Variants in SLC39A11 observed in about 807,000 individuals in gnomAD.
SLC39A11 encodes the protein solute carrier family 39 member 11.
Under a neutral mutation model 36.1 loss-of-function variants are expected in SLC39A11, and 33 were observed. That is an observed-to-expected ratio of 0.91 (90% CI 0.69 to 1.22). The LOEUF (loss-of-function observed/expected upper bound fraction) is 1.22, where lower values mean the gene tolerates loss of function less well. Ranked by LOEUF, SLC39A11 falls within the 50% of genes most tolerant of loss-of-function variation. The probability of loss-of-function intolerance (pLI) is 0.00; values close to 1 mark genes in which losing one functional copy is unlikely to be tolerated. For synonymous variants in SLC39A11, 166 were observed against 170.3 expected (o/e 0.97, Z 0.20); for missense variants, 432 against 430.3 (o/e 1.00, Z -0.03).
At chr17:72,853,606 C>T (rs1206783236) in intron 5 of SLC39A11, among the ~76,000 whole-genome samples, 3 of 152,154 alleles carry the variant, frequency 2.0e-5, no homozygotes, top group Non-Finnish European at 4.4e-5. Context: ...GCACGCCTGG[C>T]CCCAGGCTTC....
At chr17:72,812,854 T>A (rs564130630) in intron 6 of SLC39A11, among the ~76,000 whole-genome samples, 1 of 152,316 alleles carries the variant, frequency 6.6e-6, no homozygotes, top group Non-Finnish European at 1.5e-5. Flanking sequence ...AAGCTCAGCA[T>A]CCTTACTGCT....
chr17:72,704,255 C>T (rs2072785788), intron 7 of SLC39A11, among the ~76,000 whole-genome samples: 1 of 152,150 alleles, frequency 6.6e-6, no homozygotes, highest in African/African-American at 2.4e-5. Flanking sequence ...TATTATCATC[C>T]CTCACTGACA....
At chr17:72,939,145 G>A (rs543072591) in intron 5 of SLC39A11, among the ~76,000 whole-genome samples, 1 of 152,294 alleles carries the variant, frequency 6.6e-6, no homozygotes, top group Admixed American at 6.5e-5. Context: ...CAAAATTCAT[G>A]TCTAGCCAGA....
In SLC39A11 at chr17:72,673,630, T is replaced by C. The variant is rs2144202384; in HGVS notation, c.672-24362A>G. 1.3e-5 allele frequency among the ~76,000 whole-genome samples: 2 copies of C among 152,356 alleles called. 1 individual carries two copies. The highest frequency in any genetic ancestry group is 4.1e-4 in the South Asian group (2 of 4,828). On this transcript the variant is annotated intron_variant, in intron 7 of 9. Coordinates refer to ENST00000255559, the MANE Select transcript of SLC39A11 (RefSeq NM_139177.4). ...TGTTTTCCAAAGAGATTGGTGTGGT[T>C]ATGTAATTCATTTGTAATACAACTT...
chr17:72,985,111 G>A (rs2088617767), intron 4 of SLC39A11, among the ~76,000 whole-genome samples: 1 of 152,196 alleles, frequency 6.6e-6, no homozygotes, highest in African/African-American at 2.4e-5. Context: ...CCCTAGGAAT[G>A]TGCACACTCC....
chr17:72,681,945 G>A (rs1294802339), intron 7 of SLC39A11, among the ~76,000 whole-genome samples: 1 of 152,190 alleles, frequency 6.6e-6, no homozygotes, highest in Non-Finnish European at 1.5e-5. Context: ...AACTGGGCCT[G>A]CACAGCAGGA....
At chr17:72,862,730 A>G (rs2080103536) in intron 5 of SLC39A11, among the ~76,000 whole-genome samples, 2 of 151,424 alleles carry the variant, frequency 1.3e-5, no homozygotes, top group South Asian at 4.1e-4. Flanking sequence ...CTGCCCACTA[A>G]GGTTAAAAAA....
chr17:72,798,327 C>T lies in SLC39A11; in HGVS notation c.601+51307G>A, dbSNP rs527875194. Among the ~76,000 whole-genome samples the T allele has an allele frequency of 2.6e-5, 4 of 151,858 alleles. No homozygotes were observed. The South Asian group carries it at 8.3e-4, about 32-fold the overall frequency. ...CATGGTCATGTTCTTGGTGAGTAATCTTCAGGCTTGCAAAGAGCCACCTTC... is the reference window on the plus strand; with the variant it reads ...CATGGTCATGTTCTTGGTGAGTAATTTTCAGGCTTGCAAAGAGCCACCTTC... On this transcript the variant is annotated intron_variant, in intron 6 of 9. Transcript: ENST00000255559.
intron 7 of SLC39A11, among the ~76,000 whole-genome samples, chr17:72,693,308 T>C (rs2072120490): frequency 7.2e-6 from 1 of 139,062 alleles, no homozygotes; most frequent in African/African-American, 2.6e-5. Context: ...CAGGGAACAC[T>C]GACCAGCCAG....
intron 2 of SLC39A11, among the ~76,000 whole-genome samples, chr17:73,088,363 GAA>G (rs2060808921): frequency 6.6e-6 from 1 of 151,772 alleles, no homozygotes; most frequent in East Asian, 1.9e-4. Flanking sequence ...GCGGGCTAAC[GAA>G]GCCTCAATAA....
At chr17:72,986,954 T>C (rs867912850) in intron 4 of SLC39A11, among the ~76,000 whole-genome samples, 1 of 152,144 alleles carries the variant, frequency 6.6e-6, no homozygotes, top group Admixed American at 6.5e-5. Flanking sequence ...TCTGACATAG[T>C]ATGGATGTGT....
intron 2 of SLC39A11, among the ~76,000 whole-genome samples, chr17:73,086,511 A>T (rs2060734402): frequency 6.6e-6 from 1 of 152,178 alleles, no homozygotes; most frequent in African/African-American, 2.4e-5. Context: ...GGTCTACAGA[A>T]CTTTTCACCT....
At chr17:72,927,796 A>G (rs2084136447) in intron 5 of SLC39A11, among the ~76,000 whole-genome samples, 1 of 152,040 alleles carries the variant, frequency 6.6e-6, no homozygotes, top group South Asian at 2.1e-4. Context: ...TTCTATTGAG[A>G]AGGAAATGTA....
intron 3 of SLC39A11, among the ~76,000 whole-genome samples, chr17:73,044,291 C>T (rs1356531835): frequency 1.3e-5 from 2 of 152,268 alleles, no homozygotes; most frequent in East Asian, 3.9e-4. Context: ...CTGGAAATAA[C>T]CCAAATGTCC....
chr17:72,689,822 G>C (rs1460791108), intron 7 of SLC39A11, among the ~76,000 whole-genome samples: 1 of 152,202 alleles, frequency 6.6e-6, no homozygotes, highest in Non-Finnish European at 1.5e-5. Context: ...CTGCTTATGG[G>C]TATGGACTTT....
chr17:72,910,788 G>A (rs958218414), intron 5 of SLC39A11, among the ~76,000 whole-genome samples: 3 of 151,492 alleles, frequency 2.0e-5, no homozygotes, highest in East Asian at 1.9e-4. Flanking sequence ...ATAGCCGGGC[G>A]TGATGGCAGG....
intron 5 of SLC39A11, among the ~76,000 whole-genome samples, chr17:72,871,507 T>A (rs1257941606): frequency 1.3e-5 from 2 of 152,152 alleles, no homozygotes; most frequent in African/African-American, 4.8e-5. Flanking sequence ...AAACCTGGCC[T>A]CTGGGGAGGA....
rs118030911 is a variant in SLC39A11, at chr17:72,953,768, T to C, written c.307-5893A>G. On this transcript the variant is annotated intron_variant, in intron 4 of 9. Transcript: ENST00000255559. The stretch of plus-strand genomic sequence containing the variant: ...GGTCCCAGTACCAACCTTCAATAGG[T>C]CTTAAGTCCCATCACCTCCTTTCTG... Among the ~76,000 whole-genome samples the C allele has an allele frequency of 2.4e-3, 364 of 152,260 alleles. 12 individuals are homozygous for C. The East Asian group carries it at 0.056, about 23-fold the overall frequency.
At chr17:72,941,450 C>T (rs1301320194) in intron 5 of SLC39A11, among the ~76,000 whole-genome samples, 3 of 152,186 alleles carry the variant, frequency 2.0e-5, no homozygotes, top group Non-Finnish European at 2.9e-5. Flanking sequence ...TGGTATTTTG[C>T]TACAGCAGCC....
Sources: gnomAD v4.1 joint callset for allele counts (sites outside exome capture counted in the v4.1 genomes callset) on GRCh38, gnomAD v4.1.1 for gene constraint, MANE v1.5 for transcripts, NCBI Gene and HGNC (gene_info 2026-07-23, HGNC 2026-07-21) for gene names.